Variants in LZTR1 observed in about 807,000 individuals in gnomAD.
The protein encoded by LZTR1 is leucine zipper like post translational regulator 1.
LZTR1 carries 260 observed loss-of-function variants against 105.7 expected under a neutral mutation model. The observed-to-expected ratio is 2.46, with a 90% CI of 2.22 to 2.72. The LOEUF (loss-of-function observed/expected upper bound fraction) is 2.72, where lower values mean the gene tolerates loss of function less well. Ranked by LOEUF, LZTR1 falls within the 30% of genes most tolerant of loss-of-function variation. The pLI is 0.00. For missense variants in LZTR1, 1,214 were observed against 1,166.9 expected, an observed-to-expected ratio of 1.04 and a Z score of -0.59; for synonymous variants, 490 against 476.4, an observed-to-expected ratio of 1.03 and a Z score of -0.37.
intron 3 of LZTR1, chr22:20,986,467 T>TAGAC (rs10674539): frequency 2.0e-5 from 3 of 151,176 alleles, no homozygotes; most frequent in African/African-American, 7.3e-5. Flanking sequence ...GATAGATAGA[T>TAGAC]GATAGGTAGA....
chr22:20,991,308 A>G (rs570867295), intron 8 of LZTR1: 1 of 370,504 alleles, frequency 2.7e-6, no homozygotes. Context: ...GTCTCTGCAC[A>G]ACTTTACTCC....
chr22:20,995,916 G>A (rs1463395441), intron 17 of LZTR1, 44 bp downstream of exon 17: 2 of 1,613,174 alleles, frequency 1.2e-6, no homozygotes, highest in Admixed American at 1.7e-5. Context: ...CCTGGATGGT[G>A]TCTTCGTTCT....
rs762834512 is a variant in LZTR1 at position 20,996,740 on chromosome 22, G to A, written c.2264G>A (p.Arg755Gln). The A allele has an allele frequency of 1.7e-5, 28 of 1,613,398 alleles. No homozygotes were observed. The highest frequency in any genetic ancestry group is 2.2e-5 in the East Asian group (1 of 44,840). The change falls in exon 19 of 21, where the codon CGG becomes CAG. Residue 755 changes from arginine (R) to glutamine (Q), a missense_variant. Arg to Gln is a conservative substitution (Grantham distance 43, BLOSUM62 1). Coordinates refer to ENST00000646124, the MANE Select transcript of LZTR1 (RefSeq NM_006767.4). ...APYYYGFYNN[R>Q]LQAYCKQNLE... The stretch of plus-strand genomic sequence containing the variant: ...TACTACTACGGCTTCTACAACAACC[G>A]GCTGCAGGCGTACTGCAAGCAGAAC...
At chr22:20,990,169 T>G (rs1042464186) in intron 7 of LZTR1, among the ~76,000 whole-genome samples, 1 of 152,196 alleles carries the variant, frequency 6.6e-6, no homozygotes, top group Non-Finnish European at 1.5e-5. Context: ...TAGCCCCTGA[T>G]GATTTAACCC....
In LZTR1 at chr22:20,986,418, A is replaced by AT. The variant is rs1555927394; in HGVS notation, c.320+521_320+522insT. The AT allele has an allele frequency of 3.1e-3, 475 of 150,966 alleles. 5 individuals are homozygous for AT. The highest frequency in any genetic ancestry group is 3.9e-3 in the Non-Finnish European group (268 of 68,278). 9.4% of individuals were successfully genotyped at this position (150,966 alleles called of 1,614,324 possible). On this transcript the variant is annotated intron_variant, in intron 3 of 20. Coordinates refer to ENST00000646124, the MANE Select transcript of LZTR1 (RefSeq NM_006767.4). ...GATAGATAGATAGATAGATAGATAG[A>AT]AAGAAAGATAGATAGATGATAGAAA...
At chr22:20,996,556 AC>A in intron 18 of LZTR1, 139 bp from the exon 19 acceptor site, 2 of 655,698 alleles carry the variant, frequency 3.1e-6, no homozygotes, top group Non-Finnish European at 5.4e-6. Flanking sequence ...GGGGCCTTTG[AC>A]CCACTAAGTA....
chr22:20,989,758 T>C, intron 7 of LZTR1, 76 bp downstream of exon 7: 2 of 897,092 alleles, frequency 2.2e-6, no homozygotes, highest in Non-Finnish European at 1.5e-6. Flanking sequence ...GTGGAGGAGG[T>C]GAGGGGCATG....
In LZTR1 at chr22:20,989,693, TGG is replaced by T. The variant is rs1569155283; in HGVS notation, c.651+14_651+15del. ...ACCTGCTGGGAGGAGGTGAGGGGCG[TGG>T]GGAGCCAGGGCGCAGGTAGAGGAGG... is the stretch of plus-strand genomic sequence containing the variant. On this transcript the variant is annotated intron_variant, in intron 7 of 20. Transcript: ENST00000646124. The T allele has an allele frequency of 1.9e-5, 29 of 1,525,774 alleles. No individual in the cohort carries two copies. Among genetic ancestry groups the T allele is most frequent in the Non-Finnish European group, 2.5e-5 (28 of 1,129,886 alleles). 94.5% of individuals were successfully genotyped at this position (1,525,774 alleles called of 1,614,324 possible).
In LZTR1 at chr22:20,993,216, C is replaced by T. The variant is rs756877; in HGVS notation, c.1260+312C>T. 356,988 of 419,622 alleles carry T rather than the reference C, an allele frequency of 0.85. 152,123 individuals carry two copies. Among genetic ancestry groups the T allele is most frequent in the Admixed American group, 0.88 (22,202 of 25,094 alleles). The allele number at this position is 419,622 out of a possible 1,614,324, so 26.0% of individuals were successfully genotyped here. A position where few individuals can be genotyped will look rare whatever the true frequency, so the allele number is the denominator to read the frequency against. On this transcript the variant is annotated intron_variant, in intron 11 of 20. Transcript: ENST00000646124. ...GCCTGGCCCAGGGCAGAGCCAGGGC[C>T]GACAGTGGCTTGCGTTGACAGCCCC...
intron 16 of LZTR1, chr22:20,995,395 G>A: frequency 1.6e-6 from 1 of 612,586 alleles, no homozygotes; most frequent in Non-Finnish European, 3.1e-6. Flanking sequence ...GCTCTCCCTG[G>A]GGCTTGTGCT....
intron 4 of LZTR1, among the ~76,000 whole-genome samples, 173 bp from the exon 5 acceptor site, chr22:20,987,837 T>C (rs888657333): frequency 1.3e-5 from 2 of 152,228 alleles, no homozygotes; most frequent in Non-Finnish European, 2.9e-5. Context: ...TGCTCATCTC[T>C]GTGTCCCCAG....
At chr22:20,995,515 A>G (rs754309545) in intron 16 of LZTR1, 15 of 702,162 alleles carry the variant, frequency 2.1e-5, no homozygotes, top group East Asian at 5.5e-5. Context: ...AGCTGGGTGG[A>G]AGATGAGACG....
At chr22:20,991,417 C>T (rs935383493) in intron 8 of LZTR1, 18 of 577,362 alleles carry the variant, frequency 3.1e-5, no homozygotes, top group African/African-American at 1.3e-4. Context: ...CAGGACCCTG[C>T]GGTGGGCCAC....
At position 20,982,311 on chromosome 22, in the gene LZTR1, C is replaced by G; in HGVS notation, c.-61C>G. The G allele has an allele frequency of 7.5e-7, 1 of 1,331,808 alleles. No individual in the cohort carries two copies. Among genetic ancestry groups the G allele is most frequent in the Non-Finnish European group, 1.0e-6 (1 of 981,788 alleles). 82.5% of individuals were successfully genotyped at this position (1,331,808 alleles called of 1,614,324 possible). On this transcript the variant is annotated 5_prime_UTR_variant, in exon 1 of 21. Transcript: ENST00000646124. ...CGCCGGGAAATGTGGTTTCTCCAGC[C>G]GGCCCGGGGCGGTGGCCGCAAGTTG...
At chr22:20,989,296 C>T (rs947695887) in intron 6 of LZTR1, among the ~76,000 whole-genome samples, 9 of 152,250 alleles carry the variant, frequency 5.9e-5, no homozygotes, top group Non-Finnish European at 1.0e-4. Flanking sequence ...ATCATAGAAA[C>T]TCCTAACGAT....
rs797045165 is a variant in LZTR1, at chr22:20,991,686, C to T, written c.850C>T (p.Arg284Cys). ...LRGSPPPPQR[R>C]YGHTMVAFDR... ...GGGCTCCCCACCACCCCCGCAGCGG[C>T]GCTACGGGCATACCATGGTGGCCTT... is the stretch of plus-strand genomic sequence containing the variant. The change falls in exon 9 of 21, where the codon CGC becomes TGC. Residue 284 changes from arginine to cysteine, a missense_variant. Transcript: ENST00000646124. The T allele has an allele frequency of 6.9e-6, 11 of 1,603,678 alleles. No homozygotes were observed. Among genetic ancestry groups the T allele is most frequent in the African/African-American group, 1.3e-5 (1 of 74,826 alleles).
At chr22:20,984,008 G>A (rs564894524) in intron 2 of LZTR1, among the ~76,000 whole-genome samples, 8 of 152,284 alleles carry the variant, frequency 5.3e-5, no homozygotes, top group Non-Finnish European at 8.8e-5. Context: ...GGGGCGGCAC[G>A]GGCTGCCTTG....
rs1292292071 is a variant in LZTR1, at chr22:20,991,760, C to T, written c.924C>T (p.Pro308=). The change falls in exon 9 of 21, where the codon CCC becomes CCT. Residue 308 remains proline, a synonymous_variant. Transcript: ENST00000646124. Reference sequence around the variant, plus strand: ...GGGGTGCGGCCGACAACACGCTGCCCAACGAGCTGCACTGCTATGACGTGG... The same window carrying T: ...GGGGTGCGGCCGACAACACGCTGCCTAACGAGCTGCACTGCTATGACGTGG... ...VFGGAADNTL[P]NELHCYDVDF... 7 of 1,559,466 alleles carry T rather than the reference C, an allele frequency of 4.5e-6. No homozygotes were observed. The highest frequency in any genetic ancestry group is 5.2e-6 in the Non-Finnish European group (6 of 1,151,490).
Position 20,994,677 on chromosome 22 carries a change from G to T in LZTR1, c.1735G>T (p.Val579Leu). The T allele has an allele frequency of 6.2e-7, 1 of 1,612,932 alleles. No homozygotes were observed. The highest frequency in any genetic ancestry group is 8.5e-7 in the Non-Finnish European group (1 of 1,180,006). Reference sequence around the variant, plus strand: ...CGAGGCCTCCGTGGACCTGCAGAACGTGCTGGTTGTGTGCGAGAGTGCCGC... The same window carrying T: ...CGAGGCCTCCGTGGACCTGCAGAACTTGCTGGTTGTGTGCGAGAGTGCCGC... ...YIEASVDLQNVLVVCESAARL... is the reference protein window; with the variant it reads ...YIEASVDLQNLLVVCESAARL... The change falls in exon 15 of 21, where the codon GTG (valine) becomes TTG (leucine). Residue 579 changes from valine (V) to leucine (L), a missense_variant. Physicochemically the swap from Val to Leu is conservative, Grantham distance 32 (BLOSUM62 1). Transcript: ENST00000646124.
Sources: allele counts gnomAD v4.1 joint callset (sites outside exome capture counted in the v4.1 genomes callset), GRCh38; gene constraint gnomAD v4.1.1; transcripts MANE v1.5; gene names NCBI Gene and HGNC (gene_info 2026-07-23, HGNC 2026-07-21).